Variants in STRBP observed in about 807,000 individuals in gnomAD.
STRBP encodes spermatid perinuclear RNA-binding protein.
In STRBP, 13 loss-of-function variants were observed where a neutral mutation model predicts 80.1. The ratio of observed to expected loss-of-function variants is 0.16; its 90% confidence interval spans 0.11 to 0.26. The LOEUF (loss-of-function observed/expected upper bound fraction) is 0.26. STRBP is among the 10% of genes least tolerant of loss of function. The pLI is 1.00. For missense variants in STRBP, 485 were observed against 815.2 expected, an observed-to-expected ratio of 0.59 and a Z score of 4.93; for synonymous variants, 284 against 291.2, an observed-to-expected ratio of 0.98 and a Z score of 0.25.
intron 2 of STRBP, among the ~76,000 whole-genome samples, chr9:123,233,239 ATTTC>A (rs941735174): frequency 1.1e-4 from 17 of 152,054 alleles, no homozygotes; most frequent in South Asian, 1.0e-3. Flanking sequence ...CATCTGGCTA[ATTTC>A]TTTATTTTTT....
At chr9:123,206,703 A>G (rs970284296) in intron 2 of STRBP, among the ~76,000 whole-genome samples, 1 of 152,004 alleles carries the variant, frequency 6.6e-6, no homozygotes. Flanking sequence ...CAATAGCGCA[A>G]TCTCGGCTCA....
At chr9:123,189,375 T>C (rs1435145435) in intron 2 of STRBP, among the ~76,000 whole-genome samples, 1 of 150,218 alleles carries the variant, frequency 6.7e-6, no homozygotes, top group Non-Finnish European at 1.5e-5. Flanking sequence ...GACAAGTTAA[T>C]GGGTGCAGCA....
Position 123,115,898 on chromosome 9 carries a change from AC to A in STRBP, c.*84+30del. ...TGTCTTTCACCCTTTGGAACCACAT[AC>A]AACAAATAAATATAATCCCTTAAAA... On this transcript the variant is annotated intron_variant and NMD_transcript_variant, in intron 3 of 3. Transcript: ENST00000471564. This position sits in a 1 kb window ranked among gnomAD's most constrained non-coding sequence, Gnocchi z 5.0. 2 of 400,604 alleles carry A rather than the reference AC, an allele frequency of 5.0e-6. No homozygotes were observed. The highest frequency in any genetic ancestry group is 3.7e-5 in the South Asian group (2 of 53,846). The allele number at this position is 400,604 out of a possible 1,614,324, so 24.8% of individuals were successfully genotyped here.
rs1373348461 is a variant in STRBP, at chr9:123,215,713, A to C, written c.-165+21117T>G. Among the ~76,000 whole-genome samples, 7 of 152,300 alleles carry C rather than the reference A, an allele frequency of 4.6e-5. No homozygotes were observed. In the East Asian group the frequency reaches 1.3e-3, roughly 29 times the overall value. ...GGCAGGAGAATCGTTTGAACCCAGG[A>C]GGCGGAGTTGCAGTGAGCTGAGATC... On this transcript the variant is annotated intron_variant, in intron 2 of 18. Coordinates refer to ENST00000348403, the MANE Select transcript of STRBP (RefSeq NM_018387.5).
At chr9:123,140,200 C>A (rs187167077) in intron 13 of STRBP, among the ~76,000 whole-genome samples, 5 of 152,316 alleles carry the variant, frequency 3.3e-5, no homozygotes, top group Admixed American at 3.3e-4. Context: ...GAAAGGCAAT[C>A]AAGAAATTTT....
intron 2 of STRBP, among the ~76,000 whole-genome samples, chr9:123,214,140 A>G (rs889737100): frequency 1.5e-5 from 2 of 136,444 alleles, no homozygotes; most frequent in African/African-American, 6.4e-5. Flanking sequence ...ATATATATAT[A>G]TGTATACACA....
At chr9:123,167,010 T>C (rs892839484) in intron 6 of STRBP, among the ~76,000 whole-genome samples, 3 of 152,206 alleles carry the variant, frequency 2.0e-5, no homozygotes, top group African/African-American at 7.2e-5. Context: ...ATTTAAAATG[T>C]AAATCGTGAT....
At chr9:123,160,533 G>A (rs958546880) in intron 7 of STRBP, 71 bp from the exon 8 acceptor site, 2 of 1,195,776 alleles carry the variant, frequency 1.7e-6, no homozygotes, top group Non-Finnish European at 2.3e-6. Flanking sequence ...GTTCTTTCAA[G>A]TGAATACTAA....
chr9:123,150,096 G>T (rs1309967603), intron 11 of STRBP, among the ~76,000 whole-genome samples: 1 of 152,188 alleles, frequency 6.6e-6, no homozygotes, highest in Admixed American at 6.5e-5. Flanking sequence ...GCCATTTGGA[G>T]AAAGAGTCCC....
At chr9:123,170,138 T>C (rs2037946101) in intron 5 of STRBP, 92 bp from the exon 6 acceptor site, 6 of 1,253,712 alleles carry the variant, frequency 4.8e-6, no homozygotes, top group Admixed American at 2.6e-5. Flanking sequence ...TTCTCGAATG[T>C]TACTATTAAT....
At chr9:123,169,820 ATTG>A in intron 6 of STRBP, 79 bp downstream of exon 6, 1 of 847,704 alleles carries the variant, frequency 1.2e-6, no homozygotes, top group Non-Finnish European at 1.6e-6. Context: ...TCCATAAAAC[ATTG>A]TTAACATAGC....
intron 18 of STRBP, 44 bp downstream of exon 18, chr9:123,128,170 G>A (rs1237862166): frequency 2.5e-6 from 4 of 1,608,918 alleles, no homozygotes; most frequent in Admixed American, 1.7e-5. Context: ...TTGGATTGCT[G>A]TGACAGTCGC....
intron 4 of STRBP, among the ~76,000 whole-genome samples, chr9:123,176,492 C>CT (rs375565067): frequency 3.3e-5 from 5 of 152,080 alleles, no homozygotes; most frequent in Admixed American, 1.3e-4. Context: ...CTGAGTCACT[C>CT]TTTTTTTTAT....
chr9:123,111,858 A>T, intron 3 of STRBP: 1 of 238,110 alleles, frequency 4.2e-6, no homozygotes, highest in Non-Finnish European at 9.1e-6. Context: ...AGGCAGCAAA[A>T]TCCGAGAGGC....
chr9:123,256,075 G>A (rs2041023264), intron 1 of STRBP, among the ~76,000 whole-genome samples: 1 of 130,974 alleles, frequency 7.6e-6, no homozygotes, highest in South Asian at 2.4e-4. Flanking sequence ...CTAGAGTGGA[G>A]TGCAGTGGCA....
At chr9:123,164,152 T>C (rs2037650629) in intron 6 of STRBP, among the ~76,000 whole-genome samples, 1 of 152,110 alleles carries the variant, frequency 6.6e-6, no homozygotes, top group African/African-American at 2.4e-5. Flanking sequence ...CTCAAGCAAT[T>C]CCCATGCCTT....
chr9:123,159,336 C>A (rs2037424825), intron 8 of STRBP, 129 bp from the exon 9 acceptor site: 4 of 555,550 alleles, frequency 7.2e-6, no homozygotes, highest in Non-Finnish European at 1.2e-5. Context: ...TTAGGACCCA[C>A]TTAACATTTT....
rs2040581575 is a variant in STRBP at position 123,236,980 on chromosome 9, A to C, written c.-301-14T>G. ...AAAACCCCGTCTCTACTAAAAATAC[A>C]AAAATTAGCTGGGCGTGGTGGCGCA... On this transcript the variant is annotated splice_polypyrimidine_tract_variant and intron_variant, in intron 1 of 18. Coordinates refer to ENST00000348403, the MANE Select transcript of STRBP (RefSeq NM_018387.5). The C allele has an allele frequency of 6.6e-6, 1 of 152,198 alleles. No homozygotes were observed. Among genetic ancestry groups the C allele is most frequent in the Admixed American group, 6.6e-5 (1 of 15,258 alleles). The allele number at this position is 152,198 out of a possible 1,614,324, so 9.4% of individuals were successfully genotyped here.
intron 2 of STRBP, among the ~76,000 whole-genome samples, chr9:123,225,525 C>T (rs2040208157): frequency 6.6e-6 from 1 of 152,166 alleles, no homozygotes; most frequent in Admixed American, 6.5e-5. Context: ...TGAGGCAGCG[C>T]CTACCTCCAG....
Sources: allele counts gnomAD v4.1 joint callset (sites outside exome capture counted in the v4.1 genomes callset), GRCh38; gene constraint gnomAD v4.1.1; non-coding constraint Gnocchi (gnomAD v3.1); transcripts MANE v1.5; gene names NCBI Gene and HGNC (gene_info 2026-07-23, HGNC 2026-07-21).